The following RSU1 variants were observed in gnomAD, a reference collection of about 807,000 sequenced individuals.
RSU1 encodes rsu-1.
In RSU1, 26 loss-of-function variants were observed where a neutral mutation model predicts 31.1. That is an observed-to-expected ratio of 0.84 (90% CI 0.61 to 1.16). RSU1 has a LOEUF of 1.16. Among genes scored for constraint, RSU1 ranks in the 50% most tolerant of loss-of-function variants. The probability of loss-of-function intolerance (pLI) is 0.00; values close to 1 mark genes in which losing one functional copy is unlikely to be tolerated. For missense variants in RSU1, 320 were observed against 339.1 expected (o/e 0.94, Z 0.44); for synonymous variants, 164 against 136.3 (o/e 1.20, Z -1.41).
intron 8 of RSU1, among the ~76,000 whole-genome samples, chr10:16,692,024 C>T (rs1387328508): frequency 2.0e-5 from 3 of 152,160 alleles, no homozygotes; most frequent in African/African-American, 7.2e-5. Context: ...CCCCAAAGTG[C>T]TGGGATCATA....
chr10:16,672,455 A>C (rs1835126524), intron 8 of RSU1, among the ~76,000 whole-genome samples: 1 of 152,238 alleles, frequency 6.6e-6, no homozygotes, highest in African/African-American at 2.4e-5. Context: ...CCCTAACTGG[A>C]AATAAGCCTA....
At chr10:16,594,756 CTAT>C (rs1283913104) in intron 8 of RSU1, among the ~76,000 whole-genome samples, 1 of 141,146 alleles carries the variant, frequency 7.1e-6, no homozygotes, top group African/African-American at 2.6e-5. Flanking sequence ...ATAAAATATA[CTAT>C]ATTATCTATT....
chr10:16,607,108 T>A (rs1424057696), intron 8 of RSU1, among the ~76,000 whole-genome samples: 1 of 152,150 alleles, frequency 6.6e-6, no homozygotes, highest in Non-Finnish European at 1.5e-5. Flanking sequence ...TTGGTGCTGT[T>A]CTCGTGATAG....
At chr10:16,738,346 G>A (rs1836680197) in intron 7 of RSU1, among the ~76,000 whole-genome samples, 4 of 152,160 alleles carry the variant, frequency 2.6e-5, no homozygotes, top group Admixed American at 2.0e-4. Flanking sequence ...AGCTACTCAG[G>A]AGGCTGAGGC....
At chr10:16,713,801 G>C (rs931869193) in intron 7 of RSU1, among the ~76,000 whole-genome samples, 1 of 152,086 alleles carries the variant, frequency 6.6e-6, no homozygotes, top group Non-Finnish European at 1.5e-5. Flanking sequence ...TAGTGGAATA[G>C]TGACCCTTTC....
chr10:16,702,503 AG>A (rs1262013225), intron 7 of RSU1, among the ~76,000 whole-genome samples: 1 of 152,216 alleles, frequency 6.6e-6, no homozygotes, highest in South Asian at 2.1e-4. Flanking sequence ...CTTGAATTAG[AG>A]TGCCCTAAAT....
intron 8 of RSU1, among the ~76,000 whole-genome samples, chr10:16,644,063 A>G (rs1834492469): frequency 6.6e-6 from 1 of 151,612 alleles, no homozygotes. Context: ...CAGGGACTTA[A>G]GCATCTGCAG....
At chr10:16,798,753 A>G (rs1453408443) in intron 2 of RSU1, among the ~76,000 whole-genome samples, 1 of 152,166 alleles carries the variant, frequency 6.6e-6, no homozygotes, top group African/African-American at 2.4e-5. Flanking sequence ...GACCAGAATG[A>G]CCTACGCCCT....
At chr10:16,752,809 G>A in intron 6 of RSU1, 109 bp downstream of exon 6, 3 of 1,074,142 alleles carry the variant, frequency 2.8e-6, no homozygotes, top group Non-Finnish European at 4.2e-6. Flanking sequence ...CAGGAGTAGT[G>A]GTTTATTCCC....
chr10:16,675,823 A>G (rs557493366), intron 8 of RSU1, among the ~76,000 whole-genome samples: 1 of 152,338 alleles, frequency 6.6e-6, no homozygotes, highest in East Asian at 1.9e-4. Context: ...CTCTGCTTCC[A>G]TGCTCTAAAA....
chr10:16,759,548 A>G (rs1837165409), intron 4 of RSU1, among the ~76,000 whole-genome samples: 1 of 152,190 alleles, frequency 6.6e-6, no homozygotes, highest in African/African-American at 2.4e-5. Flanking sequence ...CAAATATCCA[A>G]CAAGGGACTT....
intron 1 of RSU1, 71 bp downstream of exon 1, chr10:16,817,244 T>TAGGGCA: frequency 1.5e-5 from 9 of 616,588 alleles, no homozygotes; most frequent in South Asian, 3.8e-5. Context: ...GGGGATGGAG[T>TAGGGCA]GGGAAGGGTT....
chr10:16,669,558 C>T (rs1313925797), intron 8 of RSU1, among the ~76,000 whole-genome samples: 1 of 152,174 alleles, frequency 6.6e-6, no homozygotes, highest in Non-Finnish European at 1.5e-5. Context: ...CACTCATCTA[C>T]AAAAGCTGCC....
At chr10:16,709,433 G>A (rs1188071884) in intron 7 of RSU1, among the ~76,000 whole-genome samples, 6 of 152,072 alleles carry the variant, frequency 3.9e-5, no homozygotes, top group African/African-American at 7.2e-5. Flanking sequence ...CTTTGCTATT[G>A]TGAATAGTGC....
At chr10:16,655,836 A>G (rs193139590) in intron 8 of RSU1, among the ~76,000 whole-genome samples, 18 of 152,286 alleles carry the variant, frequency 1.2e-4, no homozygotes, top group Non-Finnish European at 2.5e-4. Flanking sequence ...TGCACGCCCA[A>G]TATATCTTAG....
rs555417135 is a variant in RSU1 at position 16,737,682 on chromosome 10, GTAAA to G, written c.598+14853_598+14856del. On this transcript the variant is annotated intron_variant, in intron 7 of 8. Transcript: ENST00000345264. ...CAAGGAAAGAAGAGCATCAGAAATG[GTAAA>G]TAGAGAAGCGGCAGTCAATGTGAAA... Among the ~76,000 whole-genome samples, 175 of 152,080 alleles carry G rather than the reference GTAAA, an allele frequency of 1.2e-3. 1 individual carries two copies. Among genetic ancestry groups the G allele is most frequent in the African/African-American group, 4.1e-3 (170 of 41,494 alleles).
chr10:16,730,315 A>T (rs890206581), intron 7 of RSU1, among the ~76,000 whole-genome samples: 1 of 152,214 alleles, frequency 6.6e-6, no homozygotes, highest in African/African-American at 2.4e-5. Context: ...GGAGGGGACA[A>T]ACATCCAAAC....
At chr10:16,666,083 T>C (rs563836775) in intron 8 of RSU1, among the ~76,000 whole-genome samples, 1 of 152,320 alleles carries the variant, frequency 6.6e-6, no homozygotes, top group East Asian at 1.9e-4. Context: ...TATGCTTTTT[T>C]AAGATTAATT....
intron 3 of RSU1, 129 bp downstream of exon 3, chr10:16,781,905 A>G (rs1352350228): frequency 2.6e-6 from 2 of 759,674 alleles, no homozygotes; most frequent in East Asian, 2.5e-5. Context: ...TAGTGTCACC[A>G]AAGTAAACTA....
Sources: gnomAD v4.1 joint callset for allele counts (sites outside exome capture counted in the v4.1 genomes callset) on GRCh38, gnomAD v4.1.1 for gene constraint, MANE v1.5 for transcripts, NCBI Gene and HGNC (gene_info 2026-07-23, HGNC 2026-07-21) for gene names.